Variants in GNAQ observed in about 807,000 individuals in gnomAD.
GNAQ encodes G protein subunit alpha q.
GNAQ carries 8 observed loss-of-function variants against 43.9 expected under a neutral mutation model. The ratio of observed to expected loss-of-function variants is 0.18; its 90% confidence interval spans 0.11 to 0.33. GNAQ has a LOEUF of 0.33. Ranked by LOEUF, GNAQ falls within the 10% of genes least tolerant of loss-of-function variation. GNAQ has a pLI of 1.00. For missense variants in GNAQ, 158 were observed against 450.8 expected (o/e 0.35, Z 5.88); for synonymous variants, 155 against 170.7 (o/e 0.91, Z 0.71).
intron 1 of GNAQ, among the ~76,000 whole-genome samples, chr9:78,007,147 A>T (rs1388084664): frequency 1.3e-5 from 2 of 152,198 alleles, no homozygotes; most frequent in African/African-American, 4.8e-5. Context: ...TTTGCCTCTA[A>T]CGTATTCATT....
intron 1 of GNAQ, among the ~76,000 whole-genome samples, chr9:77,924,813 T>C (rs544095763): frequency 6.6e-6 from 1 of 152,224 alleles, no homozygotes; most frequent in African/African-American, 2.4e-5. Context: ...TATTTTCCTG[T>C]TGGCCAGAAA....
chr9:77,721,577 T>G (rs879087534), intron 6 of GNAQ, 64 bp from the exon 7 acceptor site: 1 of 936,440 alleles, frequency 1.1e-6, no homozygotes, highest in Non-Finnish European at 1.7e-6. Flanking sequence ...CAATCATCAT[T>G]GGTTCAATAA....
chr9:77,774,558 C>T (rs1383034010), intron 5 of GNAQ, among the ~76,000 whole-genome samples: 1 of 152,170 alleles, frequency 6.6e-6, no homozygotes, highest in Non-Finnish European at 1.5e-5. Context: ...AACTCCTGGG[C>T]TCAAGTGACC....
At chr9:77,972,696 GT>G (rs2118465185) in intron 1 of GNAQ, among the ~76,000 whole-genome samples, 1 of 152,272 alleles carries the variant, frequency 6.6e-6, no homozygotes, top group South Asian at 2.1e-4. Context: ...GCTCACACCT[GT>G]AATCACAGCA....
chr9:77,986,423 C>T (rs1006802204), intron 1 of GNAQ, among the ~76,000 whole-genome samples: 2 of 152,170 alleles, frequency 1.3e-5, no homozygotes, highest in Admixed American at 1.3e-4. Flanking sequence ...AATCAAAGCT[C>T]AAACCTTAAG....
chr9:77,935,395 A>G (rs1195177717), intron 1 of GNAQ, among the ~76,000 whole-genome samples: 2 of 152,182 alleles, frequency 1.3e-5, no homozygotes, highest in African/African-American at 4.8e-5. Context: ...ACTACGTCAT[A>G]AAGAGATGCA....
intron 1 of GNAQ, among the ~76,000 whole-genome samples, chr9:78,008,296 T>C (rs958827273): frequency 6.6e-6 from 1 of 152,224 alleles, no homozygotes; most frequent in African/African-American, 2.4e-5. Flanking sequence ...CCAGGAATCA[T>C]CATACATCTG....
At chr9:77,932,194 T>G (rs1294110104) in intron 1 of GNAQ, among the ~76,000 whole-genome samples, 2 of 152,170 alleles carry the variant, frequency 1.3e-5, no homozygotes, top group Non-Finnish European at 2.9e-5. Flanking sequence ...ATTCCCAAAA[T>G]AACTGAGATA....
chr9:77,817,209 G>A (rs1313258234), intron 2 of GNAQ, among the ~76,000 whole-genome samples: 4 of 152,144 alleles, frequency 2.6e-5, no homozygotes, highest in African/African-American at 7.2e-5. Context: ...TGAAAACAGA[G>A]CATCACTGGC....
At chr9:77,934,870 TAATCCCAGCACTTTGGGAGG>T (rs1419967224) in intron 1 of GNAQ, among the ~76,000 whole-genome samples, 1 of 152,176 alleles carries the variant, frequency 6.6e-6, no homozygotes, top group Non-Finnish European at 1.5e-5. Flanking sequence ...CTCACGCCTG[TAATCCCAGCACTTTGGGAGG>T]CTGAGGTGGG....
chr9:77,882,410 C>T (rs1339862290), intron 2 of GNAQ, among the ~76,000 whole-genome samples: 1 of 152,162 alleles, frequency 6.6e-6, no homozygotes, highest in African/African-American at 2.4e-5. Flanking sequence ...TTTGACCCAG[C>T]AAATTACACT....
chr9:77,842,360 A>T (rs10869977), intron 2 of GNAQ, among the ~76,000 whole-genome samples: 2 of 152,048 alleles, frequency 1.3e-5, no homozygotes. Flanking sequence ...TGACAGTACC[A>T]TGTGAGCAGA....
intron 5 of GNAQ, among the ~76,000 whole-genome samples, chr9:77,762,424 T>TG (rs1186580436): frequency 3.1e-4 from 33 of 106,004 alleles, no homozygotes; most frequent in Admixed American, 8.3e-4. Flanking sequence ...GGGAGGGAGG[T>TG]GGGGGGGTCA....
chr9:77,813,198 G>A (rs558953113), intron 3 of GNAQ, among the ~76,000 whole-genome samples: 152 of 152,202 alleles, frequency 1.0e-3, no homozygotes, highest in African/African-American at 2.6e-3. Flanking sequence ...GATTACAGGC[G>A]TAAGCCACCA....
intron 2 of GNAQ, among the ~76,000 whole-genome samples, chr9:77,885,969 A>C (rs889665843): frequency 7.7e-6 from 1 of 129,764 alleles, no homozygotes; most frequent in African/African-American, 3.0e-5. Flanking sequence ...CTGGCATTTA[A>C]AAAGAAAGGC....
intron 1 of GNAQ, among the ~76,000 whole-genome samples, chr9:77,926,483 A>T (rs1829074331): frequency 6.6e-6 from 1 of 152,210 alleles, no homozygotes; most frequent in Admixed American, 6.5e-5. Flanking sequence ...TTCACAGCAT[A>T]GGGCAATGAA....
chr9:77,778,909 A>G (rs1826346027), intron 5 of GNAQ, among the ~76,000 whole-genome samples: 1 of 151,990 alleles, frequency 6.6e-6, no homozygotes, highest in South Asian at 2.1e-4. Flanking sequence ...CCCTAACAAA[A>G]GAGCATCACA....
intron 5 of GNAQ, among the ~76,000 whole-genome samples, chr9:77,748,654 T>A (rs1825766856): frequency 1.3e-5 from 2 of 152,230 alleles, no homozygotes; most frequent in Admixed American, 6.5e-5. Context: ...GGAAAAGTTA[T>A]TTAACCCTTC....
At chr9:78,020,146 T>C (rs955322165) in intron 1 of GNAQ, among the ~76,000 whole-genome samples, 1 of 152,156 alleles carries the variant, frequency 6.6e-6, no homozygotes, top group Non-Finnish European at 1.5e-5. Context: ...CTCATGCTAT[T>C]GCTTATTTAT....
Sources: gnomAD v4.1 joint callset for allele counts (sites outside exome capture counted in the v4.1 genomes callset) on GRCh38, gnomAD v4.1.1 for gene constraint, MANE v1.5 for transcripts, NCBI Gene and HGNC (gene_info 2026-07-23, HGNC 2026-07-21) for gene names.